CCNB2: variants seen among roughly 807,000 people sequenced by gnomAD.
CCNB2 encodes the protein cyclin B2.
A neutral mutation model predicts 51.1 loss-of-function variants in CCNB2; 39 were observed. That is an observed-to-expected ratio of 0.76 (90% CI 0.59 to 1.00). The LOEUF (loss-of-function observed/expected upper bound fraction) is 1.00. Ranked by LOEUF, CCNB2 falls within the 50% of genes least tolerant of loss-of-function variation. The probability of loss-of-function intolerance (pLI) is 0.00; values close to 1 mark genes in which losing one functional copy is unlikely to be tolerated. For synonymous variants in CCNB2, 174 were observed against 165.5 expected (o/e 1.05, Z -0.40); for missense variants, 472 against 470.3 (o/e 1.00, Z -0.03).
chr15:59,119,990 G>A lies in CCNB2; in HGVS notation c.975+2622G>A, dbSNP rs28739023. 9.5e-4 allele frequency among the ~76,000 whole-genome samples: 145 copies of A among 152,254 alleles called. No homozygotes were observed. The East Asian group carries it at 0.025, about 26-fold the overall frequency. On this transcript the variant is annotated intron_variant, in intron 7 of 8. Coordinates refer to ENST00000288207, the MANE Select transcript of CCNB2 (RefSeq NM_004701.4). ...CCCAAAGTGCTGGGATTACAGACGTGAGCCACTGTGCCTGGCCTAAGAGAG... is the reference window on the plus strand; with the variant it reads ...CCCAAAGTGCTGGGATTACAGACGTAAGCCACTGTGCCTGGCCTAAGAGAG...
Position 59,124,824 on chromosome 15 carries a change from C to G in CCNB2, c.1144C>G (p.Leu382Val), listed in dbSNP as rs1217984500. 4 of 1,611,468 alleles carry G rather than the reference C, an allele frequency of 2.5e-6. No individual in the cohort carries two copies. Among genetic ancestry groups the G allele is most frequent in the African/African-American group, 2.7e-5 (2 of 74,758 alleles). ...CCTGAAGATCAGCATGATCCCTCAG[C>G]TGAACTCAAAAGCCGTCAAAGACCT... ...KLLKISMIPQ[L>V]NSKAVKDLAS... Residue 382 changes from leucine to valine, a missense_variant, in exon 9 of 9, where the codon CTG (leucine) becomes GTG (valine). Leu to Val is a conservative substitution (Grantham distance 32). Coordinates refer to ENST00000288207, the MANE Select transcript of CCNB2 (RefSeq NM_004701.4).
rs773075874 is a variant in CCNB2 at position 59,107,530 on chromosome 15, GC to G, written c.154-26del. 29 of 1,613,492 alleles carry G rather than the reference GC, an allele frequency of 1.8e-5. No individual in the cohort carries two copies. The African/African-American group carries it at 2.4e-4, about 13-fold the overall frequency. On this transcript the variant is annotated intron_variant, in intron 2 of 8. Transcript: ENST00000288207. ...AGTCCCACAACGCTGGCTGTCTTGC[GC>G]TATTCATGTTTCTTTTTCCTTATAG... is the stretch of plus-strand genomic sequence containing the variant.
Position 59,122,524 on chromosome 15 carries a change from C to CT in CCNB2, c.976-981dup, listed in dbSNP as rs547047403. On this transcript the variant is annotated intron_variant, in intron 7 of 8. Coordinates refer to ENST00000288207, the MANE Select transcript of CCNB2 (RefSeq NM_004701.4). ...ACAGGCGTGAGCCACTGCGCCTGGC[C>CT]TTTTTTTTTTTTCTTTTTTTTTCTT... Among the ~76,000 whole-genome samples the CT allele has an allele frequency of 5.6e-3, 771 of 138,464 alleles. 21 individuals are homozygous for CT. Among genetic ancestry groups the CT allele is most frequent in the Admixed American group, 0.033 (456 of 13,824 alleles). 90.8% of individuals were successfully genotyped at this position (138,464 alleles called of 152,430 possible).
intron 3 of CCNB2, among the ~76,000 whole-genome samples, chr15:59,112,822 CAGG>C (rs1465140185): frequency 4.0e-5 from 6 of 151,408 alleles, no homozygotes; most frequent in African/African-American, 1.5e-4. Flanking sequence ...ATCACAAGGT[CAGG>C]AGATCGAGAC....
rs2079317962 is a variant in CCNB2, at chr15:59,124,753, A to G, written c.1087-14A>G. On this transcript the variant is annotated splice_polypyrimidine_tract_variant and intron_variant, in intron 8 of 8. Coordinates refer to ENST00000288207, the MANE Select transcript of CCNB2 (RefSeq NM_004701.4). ...GGTTCCTGACATGTGCTTAATCACA[A>G]ATGACTTCTGCAGGCCATCAAGAAT... The G allele has an allele frequency of 6.3e-7, 1 of 1,594,502 alleles. No homozygotes were observed. The highest frequency in any genetic ancestry group is 8.6e-7 in the Non-Finnish European group (1 of 1,162,188).
Position 59,105,160 on chromosome 15 carries a change from C to T in CCNB2, c.-109C>T, listed in dbSNP as rs2079229950. On this transcript the variant is annotated 5_prime_UTR_variant, in exon 1 of 9. Transcript: ENST00000288207. ...GCTACAGCGTCGAAGATCCCCAGCG[C>T]TGCGGGCTCGGAGAGCAGTCCTAAC... 1.8e-5 allele frequency: 19 copies of T among 1,031,226 alleles called. No individual in the cohort carries two copies. The Admixed American group carries it at 2.2e-4, about 12-fold the overall frequency. 63.9% of individuals were successfully genotyped at this position (1,031,226 alleles called of 1,614,324 possible). A position where few individuals can be genotyped will look rare whatever the true frequency, so the allele number is the denominator to read the frequency against.
intron 3 of CCNB2, among the ~76,000 whole-genome samples, chr15:59,112,376 G>A (rs1219958849): frequency 1.3e-5 from 2 of 150,094 alleles, no homozygotes; most frequent in Non-Finnish European, 3.0e-5. Flanking sequence ...ACAGAGTCTC[G>A]CTCTGTCACC....
chr15:59,116,291 C>T (rs1308275181), intron 5 of CCNB2, among the ~76,000 whole-genome samples: 3 of 152,130 alleles, frequency 2.0e-5, no homozygotes, highest in African/African-American at 7.2e-5. Flanking sequence ...CCAGGGCTGC[C>T]ACAGATACTC....
chr15:59,125,003 C>T lies in CCNB2; in HGVS notation c.*126C>T. On this transcript the variant is annotated 3_prime_UTR_variant, in exon 9 of 9. Coordinates refer to ENST00000288207, the MANE Select transcript of CCNB2 (RefSeq NM_004701.4). ...CCTCTTCTCAGACCAGTTTTCTAAA[C>T]ATATATTGAGGAAAAATAAAGCGAT... 1.9e-6 allele frequency: 1 copy of T among 520,276 alleles called. No individual in the cohort carries two copies. Among genetic ancestry groups the T allele is most frequent in the South Asian group, 3.8e-5 (1 of 26,268 alleles). The allele number at this position is 520,276 out of a possible 1,614,324, so 32.2% of individuals were successfully genotyped here. A position where few individuals can be genotyped will look rare whatever the true frequency, so the allele number is the denominator to read the frequency against.
chr15:59,119,410 T>C (rs1260878667), intron 7 of CCNB2, among the ~76,000 whole-genome samples: 1 of 146,626 alleles, frequency 6.8e-6, no homozygotes, highest in Non-Finnish European at 1.5e-5. Flanking sequence ...GAAGTAGCTA[T>C]GATCCTGCCA....
At chr15:59,121,928 T>C (rs1349966045) in intron 7 of CCNB2, among the ~76,000 whole-genome samples, 2 of 75,178 alleles carry the variant, frequency 2.7e-5, no homozygotes, top group Admixed American at 1.8e-4. Flanking sequence ...TGAGACTCTG[T>C]CTCAAAAAAA....
chr15:59,107,596 A>G lies in CCNB2; in HGVS notation c.193A>G (p.Thr65Ala). ...CAAAGTTCCAGTTCAACCCACCAAA[A>G]CAACAAATGTCAACAAACAACTGAA... is the stretch of plus-strand genomic sequence containing the variant. Reference protein sequence around the residue: ...NTKVPVQPTKTTNVNKQLKPT... With the variant: ...NTKVPVQPTKATNVNKQLKPT... The change falls in exon 3 of 9, where the codon ACA becomes GCA. Residue 65 changes from threonine to alanine, a missense_variant. Thr to Ala is a moderately conservative substitution (Grantham distance 58, BLOSUM62 0). Coordinates refer to ENST00000288207, the MANE Select transcript of CCNB2 (RefSeq NM_004701.4). 1 of 1,614,196 alleles carries G rather than the reference A, an allele frequency of 6.2e-7. No homozygotes were observed. Among genetic ancestry groups the G allele is most frequent in the Non-Finnish European group, 8.5e-7 (1 of 1,180,034 alleles).
intron 3 of CCNB2, among the ~76,000 whole-genome samples, chr15:59,112,039 G>T (rs1183598442): frequency 6.6e-6 from 1 of 151,542 alleles, no homozygotes; most frequent in Non-Finnish European, 1.5e-5. Context: ...TTTTGTAGAG[G>T]CGAGGTTTTG....
At position 59,123,594 on chromosome 15, in the gene CCNB2, G is replaced by A. The variant is rs1227722318; in HGVS notation, c.1053G>A (p.Val351=). The change falls in exon 8 of 9, where the codon GTG becomes GTA. Residue 351 remains valine, a synonymous_variant. Coordinates refer to ENST00000288207, the MANE Select transcript of CCNB2 (RefSeq NM_004701.4). ...TCATGCAGCACATGGCCAAGAATGT[G>A]GTGAAAGTAAATGAAAACTTAACTA... ...LEVMQHMAKN[V]VKVNENLTKF... is the part of the protein sequence containing the mutation. The A allele has an allele frequency of 6.2e-7, 1 of 1,611,408 alleles. No homozygotes were observed. The highest frequency in any genetic ancestry group is 8.5e-7 in the Non-Finnish European group (1 of 1,178,292).
At chr15:59,115,646 T>C (rs1338026782) in intron 5 of CCNB2, 2 of 152,222 alleles carry the variant, frequency 1.3e-5, no homozygotes, top group Admixed American at 1.3e-4. Context: ...TTTACAATAA[T>C]GACCCTGAGA....
intron 7 of CCNB2, among the ~76,000 whole-genome samples, chr15:59,121,885 T>C (rs924809810): frequency 7.2e-6 from 1 of 138,330 alleles, no homozygotes; most frequent in Non-Finnish European, 1.5e-5. Context: ...TGAGCAGACA[T>C]TGCACCACTG....
At chr15:59,117,537 C>A (rs1434900480) in intron 7 of CCNB2, among the ~76,000 whole-genome samples, 169 bp downstream of exon 7, 1 of 152,202 alleles carries the variant, frequency 6.6e-6, no homozygotes, top group African/African-American at 2.4e-5. Context: ...GGTGCCATCA[C>A]AGCCCACTGC....
chr15:59,112,175 A>G (rs1411098546), intron 3 of CCNB2, among the ~76,000 whole-genome samples: 4 of 151,620 alleles, frequency 2.6e-5, no homozygotes, highest in Non-Finnish European at 4.4e-5. Flanking sequence ...TCTTGTATAA[A>G]TGGCATGCAT....
intron 3 of CCNB2, among the ~76,000 whole-genome samples, chr15:59,111,472 G>T (rs1343456989): frequency 6.6e-6 from 1 of 152,224 alleles, no homozygotes; most frequent in African/African-American, 2.4e-5. Flanking sequence ...CCCTTCCAGG[G>T]GTGGGTGATA....
Sources: gnomAD v4.1 joint callset for allele counts (sites outside exome capture counted in the v4.1 genomes callset) on GRCh38, gnomAD v4.1.1 for gene constraint, MANE v1.5 for transcripts, NCBI Gene and HGNC (gene_info 2026-07-23, HGNC 2026-07-21) for gene names.